The following CTNND2 variants were observed in gnomAD, a reference collection of about 807,000 sequenced individuals.
CTNND2 encodes catenin delta 2, also known as catenin delta-2.
Under a neutral mutation model 144.4 loss-of-function variants are expected in CTNND2, and 22 were observed. The ratio of observed to expected loss-of-function variants is 0.15; its 90% CI spans 0.11 to 0.22. The LOEUF is 0.22. Among genes scored for constraint, CTNND2 ranks in the 10% least tolerant of loss-of-function variants. The pLI is 1.00. For missense variants in CTNND2, 1,353 were observed against 1,618.8 expected (o/e 0.84, Z 2.82); for synonymous variants, 751 against 695.6 (o/e 1.08, Z -1.25).
intron 3 of CTNND2, among the ~76,000 whole-genome samples, chr5:11,413,055 A>G (rs1438417537): frequency 6.6e-6 from 1 of 152,180 alleles, no homozygotes; most frequent in African/African-American, 2.4e-5. Context: ...AATGAAAACA[A>G]GAGTAGTCCA....
At chr5:11,792,464 T>C (rs1192327912) in intron 1 of CTNND2, among the ~76,000 whole-genome samples, 1 of 152,236 alleles carries the variant, frequency 6.6e-6, no homozygotes, top group Non-Finnish European at 1.5e-5. Flanking sequence ...AATCAATGAA[T>C]GCATGAATAT....
intron 3 of CTNND2, among the ~76,000 whole-genome samples, chr5:11,535,074 C>G (rs1357897369): frequency 6.6e-6 from 1 of 151,330 alleles, no homozygotes; most frequent in Non-Finnish European, 1.5e-5. Context: ...TGTAATCCCA[C>G]CTACTTGGGA....
intron 9 of CTNND2, among the ~76,000 whole-genome samples, chr5:11,278,933 G>A (rs1042967243): frequency 2.0e-5 from 3 of 152,074 alleles, no homozygotes; most frequent in African/African-American, 7.2e-5. Flanking sequence ...GGCTCATCCT[G>A]GTCGTCTTCT....
chr5:11,452,951 T>C (rs770104120), intron 3 of CTNND2, among the ~76,000 whole-genome samples: 21 of 152,206 alleles, frequency 1.4e-4, no homozygotes, highest in Non-Finnish European at 1.6e-4. Context: ...CTCATCAGTG[T>C]TACTCATTGA....
In CTNND2 at chr5:10,998,066, T is replaced by TG. The variant is rs201318106; in HGVS notation, c.3085-5390dup. Among the ~76,000 whole-genome samples, 842 of 152,342 alleles carry TG rather than the reference T, an allele frequency of 5.5e-3. 8 individuals are homozygous for TG. The highest frequency in any genetic ancestry group is 0.018 in the African/African-American group (744 of 41,584). ...TACATTTCTGGAAATGTCAGAAAAC[T>TG]GAGTGTAATAACAAAATTGCTTACA... On this transcript the variant is annotated intron_variant, in intron 18 of 21. Transcript: ENST00000304623.
chr5:11,449,168 T>C (rs61760349), intron 3 of CTNND2, among the ~76,000 whole-genome samples: 1,942 of 152,352 alleles, frequency 0.013, 49 homozygotes, highest in African/African-American at 0.045. Flanking sequence ...TATGAGGTCA[T>C]ATAAATAAAT....
At chr5:11,499,033 A>T (rs1262775701) in intron 3 of CTNND2, among the ~76,000 whole-genome samples, 1 of 152,174 alleles carries the variant, frequency 6.6e-6, no homozygotes. Context: ...AGGGTGTTTT[A>T]AAAATAGGAC....
intron 2 of CTNND2, among the ~76,000 whole-genome samples, chr5:11,664,357 C>T (rs1490173210): frequency 6.6e-6 from 1 of 152,098 alleles, no homozygotes; most frequent in East Asian, 1.9e-4. Context: ...CTTTGGGAGG[C>T]CAAGGCCAGC....
chr5:11,136,786 C>A (rs1469063315), intron 12 of CTNND2, among the ~76,000 whole-genome samples: 1 of 152,232 alleles, frequency 6.6e-6, no homozygotes, highest in African/African-American at 2.4e-5. Flanking sequence ...TATATCGAAG[C>A]ACAAGTCCTC....
At chr5:11,175,518 T>G (rs1420271217) in intron 11 of CTNND2, among the ~76,000 whole-genome samples, 1 of 152,230 alleles carries the variant, frequency 6.6e-6, no homozygotes, top group Admixed American at 6.5e-5. Context: ...GGATATATTT[T>G]GATATCAACA....
At chr5:11,363,221 T>C (rs1416229485) in intron 8 of CTNND2, among the ~76,000 whole-genome samples, 1 of 152,168 alleles carries the variant, frequency 6.6e-6, no homozygotes, top group Non-Finnish European at 1.5e-5. Context: ...CTGTGTTTAA[T>C]GTGATATAGA....
At chr5:11,724,178 T>A (rs1221328204) in intron 2 of CTNND2, among the ~76,000 whole-genome samples, 1 of 152,052 alleles carries the variant, frequency 6.6e-6, no homozygotes, top group Non-Finnish European at 1.5e-5. Context: ...TATTGAAAGG[T>A]TTTCAATGTC....
chr5:11,133,927 C>G (rs1394480669), intron 12 of CTNND2, among the ~76,000 whole-genome samples: 1 of 152,182 alleles, frequency 6.6e-6, no homozygotes, highest in Non-Finnish European at 1.5e-5. Context: ...CTAAAGACAT[C>G]TCTCCAAGAT....
intron 1 of CTNND2, among the ~76,000 whole-genome samples, chr5:11,792,533 C>T (rs988269806): frequency 1.3e-5 from 2 of 152,184 alleles, no homozygotes; most frequent in African/African-American, 4.8e-5. Context: ...GCTCCTTCCC[C>T]ACATATTTTT....
rs1738076549 is a variant in CTNND2, at chr5:11,903,514, G to T, written c.37+303C>A. The T allele has an allele frequency of 3.1e-6, 2 of 644,684 alleles. No homozygotes were observed. The highest frequency in any genetic ancestry group is 4.7e-5 in the Admixed American group (1 of 21,070). The allele number at this position is 644,684 out of a possible 1,614,324, so 39.9% of individuals were successfully genotyped here. On this transcript the variant is annotated intron_variant, in intron 1 of 21. Transcript: ENST00000304623. The surrounding 1 kb of genome is among the most constrained non-coding windows in gnomAD (Gnocchi z 5.4). ...AGGGTGGCGGGGAGCAGCATTGTCG[G>T]TGTTGCCCTAAATACGCTTCCTCCC...
At chr5:11,097,585 A>T (rs181005556) in intron 15 of CTNND2, among the ~76,000 whole-genome samples, 14 of 152,328 alleles carry the variant, frequency 9.2e-5, no homozygotes, top group South Asian at 2.1e-4. Context: ...ACAAAGGATG[A>T]CAGAGAGAAT....
At chr5:11,778,303 G>C (rs1315415363) in intron 1 of CTNND2, among the ~76,000 whole-genome samples, 1 of 152,068 alleles carries the variant, frequency 6.6e-6, no homozygotes, top group African/African-American at 2.4e-5. Context: ...GCCAAGCAGA[G>C]CTGGGCGGGG....
At chr5:11,614,620 T>C (rs1780491371) in intron 2 of CTNND2, among the ~76,000 whole-genome samples, 1 of 152,214 alleles carries the variant, frequency 6.6e-6, no homozygotes, top group Non-Finnish European at 1.5e-5. Flanking sequence ...CAGCAGAAAC[T>C]CAGAAGCAGT....
intron 2 of CTNND2, among the ~76,000 whole-genome samples, chr5:11,728,322 A>T (rs1787135620): frequency 6.6e-6 from 1 of 150,760 alleles, no homozygotes; most frequent in African/African-American, 2.5e-5. Context: ...AAAAAAAAAT[A>T]GCCAGGCGTG....
Sources: allele counts gnomAD v4.1 joint callset (sites outside exome capture counted in the v4.1 genomes callset), GRCh38; gene constraint gnomAD v4.1.1; non-coding constraint Gnocchi (gnomAD v3.1); transcripts MANE v1.5; gene names NCBI Gene and HGNC (gene_info 2026-07-23, HGNC 2026-07-21).